ADARB2: variants seen among roughly 807,000 people sequenced by gnomAD.
ADARB2 encodes the protein adenosine deaminase RNA specific B2 (inactive), also known as inactive double-stranded RNA-specific editase B2.
ADARB2 carries 25 observed loss-of-function variants against 62.2 expected under a neutral mutation model. The ratio of observed to expected loss-of-function variants is 0.40; its 90% CI spans 0.29 to 0.56. The LOEUF (loss-of-function observed/expected upper bound fraction) is 0.56, where lower values mean the gene tolerates loss of function less well. Among genes scored for constraint, ADARB2 ranks in the 20% least tolerant of loss-of-function variants. The pLI is 0.43. For missense variants in ADARB2, 1,071 were observed against 1,077.4 expected (o/e 0.99, Z 0.08); for synonymous variants, 572 against 500.8 (o/e 1.14, Z -1.90).
rs565445860 is a variant in ADARB2, at chr10:1,543,136, C to T, written c.101-163976G>A. Among the ~76,000 whole-genome samples, 539 of 152,324 alleles carry T rather than the reference C, an allele frequency of 3.5e-3. 4 individuals are homozygous for T. The highest frequency in any genetic ancestry group is 0.012 in the African/African-American group (491 of 41,578). On this transcript the variant is annotated intron_variant, in intron 1 of 9. Coordinates refer to ENST00000381312, the MANE Select transcript of ADARB2 (RefSeq NM_018702.4). ...GGCGGTGTGGGGTGGCTTCCCTGCT[C>T]TCCCTGCTCTCTGCGTTCCCACGGT...
chr10:1,372,320 G>T (rs1329630754), intron 2 of ADARB2, among the ~76,000 whole-genome samples: 1 of 151,396 alleles, frequency 6.6e-6, no homozygotes, highest in Non-Finnish European at 1.5e-5. Context: ...AAGGGGGAGG[G>T]AGGAATGGGT....
At chr10:1,655,829 T>G (rs1239662760) in intron 1 of ADARB2, among the ~76,000 whole-genome samples, 1 of 152,216 alleles carries the variant, frequency 6.6e-6, no homozygotes, top group Non-Finnish European at 1.5e-5. Context: ...TTGTTCAAAG[T>G]TAATCTTGTG....
intron 3 of ADARB2, among the ~76,000 whole-genome samples, chr10:1,275,071 A>G (rs1382053434): frequency 1.3e-5 from 2 of 152,220 alleles, no homozygotes; most frequent in Admixed American, 1.3e-4. Context: ...TGAACCAAGC[A>G]GCGTGAGCCC....
intron 1 of ADARB2, among the ~76,000 whole-genome samples, chr10:1,557,209 A>G (rs949228926): frequency 2.1e-5 from 3 of 143,466 alleles, no homozygotes; most frequent in African/African-American, 7.7e-5. Context: ...TGTCCAGTCC[A>G]TGGTGCCCCC....
chr10:1,680,239 C>T (rs184510902), intron 1 of ADARB2, among the ~76,000 whole-genome samples: 1 of 151,894 alleles, frequency 6.6e-6, no homozygotes, highest in Non-Finnish European at 1.5e-5. Flanking sequence ...CTGTGTAATC[C>T]ACCACTCATA....
chr10:1,692,329 G>A (rs778809959), intron 1 of ADARB2, among the ~76,000 whole-genome samples: 12 of 152,174 alleles, frequency 7.9e-5, no homozygotes, highest in Non-Finnish European at 1.0e-4. Context: ...CCAGAAGCTC[G>A]GAAAGCAGGA....
chr10:1,577,419 G>A (rs1443113707), intron 1 of ADARB2, among the ~76,000 whole-genome samples: 1 of 152,132 alleles, frequency 6.6e-6, no homozygotes, highest in Admixed American at 6.5e-5. Context: ...AAGCTGCAGT[G>A]ATACCCTCAT....
In ADARB2 at chr10:1,561,457, A is replaced by T. The variant is rs141894758; in HGVS notation, c.100+175594T>A. On this transcript the variant is annotated intron_variant, in intron 1 of 9. Coordinates refer to ENST00000381312, the MANE Select transcript of ADARB2 (RefSeq NM_018702.4). ...AACAACTATTTCCTGAGGGTTTATG[A>T]TGGGCTCACCACTGTTTCAAGCACT... Among the ~76,000 whole-genome samples the T allele has an allele frequency of 3.1e-4, 47 of 152,372 alleles. No homozygotes were observed. In the East Asian group the frequency reaches 8.1e-3, roughly 26 times the overall value.
intron 1 of ADARB2, among the ~76,000 whole-genome samples, chr10:1,605,517 C>T (rs983122292): frequency 6.6e-6 from 1 of 152,354 alleles, no homozygotes; most frequent in East Asian, 1.9e-4. Context: ...TGACCATTTC[C>T]TACTGCACTT....
intron 1 of ADARB2, among the ~76,000 whole-genome samples, chr10:1,689,963 AAAG>A (rs1177709043): frequency 6.6e-6 from 1 of 152,174 alleles, no homozygotes; most frequent in Non-Finnish European, 1.5e-5. Context: ...TTTCAGAAAG[AAAG>A]AAATGTGGGG....
chr10:1,199,999 C>T lies in ADARB2; in HGVS notation c.1831G>A (p.Ala611Thr), dbSNP rs369397900. ...AGAGGCCGGTTGTGCCGGTAGGAGGCGGGCAGCTGGCCGACACCCTCCATG... is the reference window on the plus strand; with the variant it reads ...AGAGGCCGGTTGTGCCGGTAGGAGGTGGGCAGCTGGCCGACACCCTCCATG... ...HRMEGVGQLP[A>T]SYRHNRPLLS... Residue 611 changes from alanine (A) to threonine (T), a missense_variant, in exon 8 of 10, where the codon GCC (alanine) becomes ACC (threonine). Physicochemically the swap from Ala to Thr is moderately conservative, Grantham distance 58 (BLOSUM62 0). Coordinates refer to ENST00000381312, the MANE Select transcript of ADARB2 (RefSeq NM_018702.4). 1.2e-5 allele frequency: 19 copies of T among 1,573,884 alleles called. No homozygotes were observed. The highest frequency in any genetic ancestry group is 1.6e-5 in the Non-Finnish European group (19 of 1,163,298).
At chr10:1,287,120 GCTAA>G (rs1223581955) in intron 3 of ADARB2, among the ~76,000 whole-genome samples, 2 of 152,094 alleles carry the variant, frequency 1.3e-5, no homozygotes, top group African/African-American at 2.4e-5. Flanking sequence ...CTCTGTCTTG[GCTAA>G]CTCTCTGACT....
chr10:1,711,968 T>G (rs1834953440), intron 1 of ADARB2, among the ~76,000 whole-genome samples: 2 of 152,182 alleles, frequency 1.3e-5, no homozygotes, highest in South Asian at 4.1e-4. Flanking sequence ...ATTCTCTGGG[T>G]AGCTTATTCA....
In ADARB2 at chr10:1,398,137, C is replaced by T. The variant is rs1349825981; in HGVS notation, c.101-18977G>A. On this transcript the variant is annotated intron_variant, in intron 1 of 9. Coordinates refer to ENST00000381312, the MANE Select transcript of ADARB2 (RefSeq NM_018702.4). The surrounding 1 kb of genome is among the most constrained non-coding windows in gnomAD (Gnocchi z 4.1). ...TTCCTGGGTCACCATCAGTCTCTCC[C>T]CTCCCGAGTGCAGGCTTCCTGGGTC... Among the ~76,000 whole-genome samples the T allele has an allele frequency of 2.0e-4, 29 of 147,268 alleles. No individual in the cohort carries two copies. Among genetic ancestry groups the T allele is most frequent in the Non-Finnish European group, 2.8e-4 (19 of 66,706 alleles).
intron 3 of ADARB2, among the ~76,000 whole-genome samples, chr10:1,321,470 T>C (rs966179258): frequency 2.0e-4 from 30 of 152,126 alleles, no homozygotes; most frequent in African/African-American, 7.2e-4. Context: ...AGCTTTGAAC[T>C]CCTGGGCTCA....
At chr10:1,646,535 G>A (rs1834044956) in intron 1 of ADARB2, among the ~76,000 whole-genome samples, 1 of 152,260 alleles carries the variant, frequency 6.6e-6, no homozygotes, top group Non-Finnish European at 1.5e-5. Flanking sequence ...GGGCGTGGCT[G>A]CACGGTGAAC....
intron 1 of ADARB2, among the ~76,000 whole-genome samples, chr10:1,462,923 C>G (rs950767045): frequency 3.4e-5 from 5 of 147,710 alleles, no homozygotes; most frequent in Non-Finnish European, 5.9e-5. Flanking sequence ...AAGGAGATAA[C>G]TGATAAATAG....
At chr10:1,554,967 A>G (rs2131981309) in intron 1 of ADARB2, among the ~76,000 whole-genome samples, 1 of 152,298 alleles carries the variant, frequency 6.6e-6, no homozygotes, top group African/African-American at 2.4e-5. Context: ...ACGGATCAGA[A>G]CATGCACTAT....
At chr10:1,290,450 C>T (rs1262637362) in intron 3 of ADARB2, 2 of 152,274 alleles carry the variant, frequency 1.3e-5, no homozygotes, top group Non-Finnish European at 2.9e-5. Context: ...ACGGATGAGA[C>T]AATCAGCACA....
Sources: allele counts gnomAD v4.1 joint callset (sites outside exome capture counted in the v4.1 genomes callset), GRCh38; gene constraint gnomAD v4.1.1; non-coding constraint Gnocchi (gnomAD v3.1); transcripts MANE v1.5; gene names NCBI Gene and HGNC (gene_info 2026-07-23, HGNC 2026-07-21).